The following CADPS2 variants were observed in gnomAD, a reference collection of about 807,000 sequenced individuals.
CADPS2 encodes calcium dependent secretion activator 2, also known as calcium-dependent secretion activator 2.
Under a neutral mutation model 172.5 loss-of-function variants are expected in CADPS2, and 93 were observed. That is an observed-to-expected ratio of 0.54 (90% CI 0.46 to 0.64). CADPS2 has a LOEUF of 0.64. Ranked by LOEUF, CADPS2 falls within the 30% of genes least tolerant of loss-of-function variation. The pLI is 0.00. For synonymous variants in CADPS2, 546 were observed against 555.2 expected, an observed-to-expected ratio of 0.98 and a Z score of 0.23; for missense variants, 1,420 against 1,565.9, an observed-to-expected ratio of 0.91 and a Z score of 1.57.
intron 2 of CADPS2, among the ~76,000 whole-genome samples, chr7:122,693,161 A>G (rs28449483): frequency 0.053 from 8,030 of 152,162 alleles, 267 homozygotes; most frequent in African/African-American, 0.065. Flanking sequence ...TCCATGTGAC[A>G]CTCAAAGCTC....
intron 8 of CADPS2, among the ~76,000 whole-genome samples, chr7:122,539,502 G>T (rs2062680340): frequency 6.6e-6 from 1 of 152,040 alleles, no homozygotes; most frequent in Non-Finnish European, 1.5e-5. Flanking sequence ...GATGGGATCA[G>T]AAATGAAATA....
chr7:122,823,108 T>C (rs1803863507), intron 1 of CADPS2, among the ~76,000 whole-genome samples: 1 of 152,250 alleles, frequency 6.6e-6, no homozygotes, highest in African/African-American at 2.4e-5. Context: ...TTGCATGTCT[T>C]CTTTTTGAGA....
At chr7:122,587,333 TCAG>T (rs1384253778) in intron 6 of CADPS2, among the ~76,000 whole-genome samples, 4 of 152,074 alleles carry the variant, frequency 2.6e-5, no homozygotes, top group African/African-American at 9.7e-5. Context: ...ATCTCACTGC[TCAG>T]CTCCCACATA....
intron 11 of CADPS2, among the ~76,000 whole-genome samples, chr7:122,484,908 A>G: frequency 6.6e-6 from 1 of 151,524 alleles, no homozygotes; most frequent in African/African-American, 2.4e-5. Flanking sequence ...TGACGTGCTC[A>G]TATCATGACT....
rs545959954 is a variant in CADPS2, at chr7:122,730,037, G to A, written c.453+6918C>T. Among the ~76,000 whole-genome samples the A allele has an allele frequency of 2.0e-4, 31 of 151,706 alleles. No homozygotes were observed. In the East Asian group the frequency reaches 5.0e-3, roughly 25 times the overall value. On this transcript the variant is annotated intron_variant, in intron 2 of 29. Transcript: ENST00000449022. ...GAAAATGAGTGAATATTGGAGGTAAGAAACTTACAAAAAATTAATGCAAAA... is the reference window on the plus strand; with the variant it reads ...GAAAATGAGTGAATATTGGAGGTAAAAAACTTACAAAAAATTAATGCAAAA...
intron 3 of CADPS2, among the ~76,000 whole-genome samples, chr7:122,632,942 T>C (rs962226364): frequency 1.3e-5 from 2 of 152,170 alleles, no homozygotes; most frequent in African/African-American, 4.8e-5. Flanking sequence ...GCACCATTTA[T>C]TGAAGAGGGA....
At position 122,502,074 on chromosome 7, in the gene CADPS2, A is replaced by C. The variant is rs545111666; in HGVS notation, c.1543-10654T>G. On this transcript the variant is annotated intron_variant, in intron 9 of 29. Coordinates refer to ENST00000449022, the MANE Select transcript of CADPS2 (RefSeq NM_017954.11). Reference sequence around the variant, plus strand: ...TGGCAAAGTTATTATTTCAGATAGCACTGAGTCCATGATCAAAAATCACTA... The same window carrying C: ...TGGCAAAGTTATTATTTCAGATAGCCCTGAGTCCATGATCAAAAATCACTA... 3.9e-5 allele frequency among the ~76,000 whole-genome samples: 6 copies of C among 152,236 alleles called. No individual in the cohort carries two copies. The East Asian group carries it at 1.2e-3, about 29-fold the overall frequency.
At chr7:122,682,459 A>G (rs2083156892) in intron 2 of CADPS2, among the ~76,000 whole-genome samples, 2 of 152,338 alleles carry the variant, frequency 1.3e-5, no homozygotes, top group South Asian at 4.1e-4. Context: ...CTATTCTATA[A>G]AGAAAATGTT....
At chr7:122,536,297 G>T (rs1017789176) in intron 8 of CADPS2, among the ~76,000 whole-genome samples, 3 of 152,076 alleles carry the variant, frequency 2.0e-5, no homozygotes, top group African/African-American at 7.2e-5. Flanking sequence ...ATTAAAATGA[G>T]GAATTAAAGA....
At chr7:122,385,749 G>A (rs2043574829) in intron 24 of CADPS2, among the ~76,000 whole-genome samples, 2 of 151,938 alleles carry the variant, frequency 1.3e-5, no homozygotes, top group African/African-American at 4.8e-5. Context: ...GCCATGAGTG[G>A]GAGGAAAGAC....
At chr7:122,581,110 T>G in intron 7 of CADPS2, 69 bp downstream of exon 7, 2 of 1,094,536 alleles carry the variant, frequency 1.8e-6, no homozygotes, top group South Asian at 1.3e-5. Flanking sequence ...CATACTGATC[T>G]ACCTTAATCA....
At chr7:122,509,288 G>A (rs1240548723) in intron 9 of CADPS2, among the ~76,000 whole-genome samples, 1 of 152,164 alleles carries the variant, frequency 6.6e-6, no homozygotes, top group East Asian at 1.9e-4. Context: ...TACATCTGCA[G>A]CAGGTATGGA....
At position 122,563,021 on chromosome 7, in the gene CADPS2, T is replaced by C. The variant is rs2065955790; in HGVS notation, c.1336-8332A>G. 2.0e-5 allele frequency among the ~76,000 whole-genome samples: 3 copies of C among 152,176 alleles called. No homozygotes were observed. In the South Asian group the frequency reaches 6.2e-4, roughly 32 times the overall value. On this transcript the variant is annotated intron_variant, in intron 7 of 29. Coordinates refer to ENST00000449022, the MANE Select transcript of CADPS2 (RefSeq NM_017954.11). ...TATTTCTGCTATTTCAAAGCCTTTC[T>C]TGAAGATTCCAAAAGACATAATCAA...
intron 3 of CADPS2, among the ~76,000 whole-genome samples, chr7:122,657,904 G>A (rs909159371): frequency 1.3e-5 from 2 of 152,118 alleles, no homozygotes; most frequent in Non-Finnish European, 2.9e-5. Flanking sequence ...CAAAGGGAAT[G>A]CTTACACTTT....
At chr7:122,379,275 A>G in intron 25 of CADPS2, 93 bp downstream of exon 25, 3 of 813,948 alleles carry the variant, frequency 3.7e-6, no homozygotes, top group Middle Eastern at 3.9e-4. Flanking sequence ...TTTAAACTAC[A>G]TTTTTTCTCA....
intron 17 of CADPS2, among the ~76,000 whole-genome samples, chr7:122,431,334 C>T (rs2049879035): frequency 2.0e-5 from 3 of 152,152 alleles, no homozygotes; most frequent in Admixed American, 2.0e-4. Flanking sequence ...CTGGAACTAA[C>T]ATTCTAGGAC....
intron 1 of CADPS2, among the ~76,000 whole-genome samples, chr7:122,828,000 A>G (rs1362702699): frequency 6.6e-6 from 1 of 152,172 alleles, no homozygotes; most frequent in Non-Finnish European, 1.5e-5. Flanking sequence ...CTGGCTTGAG[A>G]GGGGAATGCT....
intron 1 of CADPS2, among the ~76,000 whole-genome samples, chr7:122,868,029 G>A (rs1818750522): frequency 6.6e-6 from 1 of 151,978 alleles, no homozygotes; most frequent in Non-Finnish European, 1.5e-5. Flanking sequence ...TGAGACTTCT[G>A]CTTGCCTTAA....
intron 11 of CADPS2, among the ~76,000 whole-genome samples, chr7:122,488,018 T>C (rs2057990952): frequency 1.3e-5 from 2 of 152,022 alleles, no homozygotes; most frequent in Non-Finnish European, 2.9e-5. Context: ...ATTTGCAAAA[T>C]GAAAAACACA....
Sources: allele counts gnomAD v4.1 joint callset (sites outside exome capture counted in the v4.1 genomes callset), GRCh38; gene constraint gnomAD v4.1.1; transcripts MANE v1.5; gene names NCBI Gene and HGNC (gene_info 2026-07-23, HGNC 2026-07-21).